The following PARG variants were observed in gnomAD, a reference collection of about 807,000 sequenced individuals.
The protein encoded by PARG is mitochondrial poly(ADP-ribose) glycohydrolase.
PARG carries 35 observed loss-of-function variants against 113.0 expected under a neutral mutation model. That is an observed-to-expected ratio of 0.31 (90% CI 0.24 to 0.41). PARG has a LOEUF of 0.41. Ranked by LOEUF, PARG falls within the 10% of genes least tolerant of loss-of-function variation. The pLI is 1.00. For missense variants in PARG, 797 were observed against 1,169.4 expected (o/e 0.68, Z 4.64); for synonymous variants, 330 against 409.9 (o/e 0.81, Z 2.36).
intron 11 of PARG, among the ~76,000 whole-genome samples, chr10:49,864,334 G>C (rs1448759650): frequency 1.3e-5 from 2 of 151,216 alleles, no homozygotes; most frequent in Non-Finnish European, 3.0e-5. Context: ...TCTAAACCAC[G>C]CACTCAGTCT....
chr10:49,849,621 C>A (rs1845667271), intron 13 of PARG, among the ~76,000 whole-genome samples: 1 of 152,188 alleles, frequency 6.6e-6, no homozygotes, highest in African/African-American at 2.4e-5. Flanking sequence ...ATACTTTAAA[C>A]AAATAGTTTA....
chr10:49,896,258 A>G (rs1848080442), intron 7 of PARG, among the ~76,000 whole-genome samples: 1 of 152,060 alleles, frequency 6.6e-6, no homozygotes, highest in African/African-American at 2.4e-5. Flanking sequence ...TTGAGGACAT[A>G]GTTGTTAATA....
intron 13 of PARG, 105 bp from the exon 14 acceptor site, chr10:49,843,737 T>C: frequency 1.3e-6 from 1 of 742,696 alleles, no homozygotes; most frequent in South Asian, 1.6e-5. Flanking sequence ...GTACTGAAGG[T>C]CTCTCCAGCC....
intron 13 of PARG, among the ~76,000 whole-genome samples, chr10:49,856,494 T>C (rs1317170554): frequency 9.2e-5 from 14 of 152,206 alleles, no homozygotes; most frequent in African/African-American, 3.4e-4. Context: ...TAACTGAACT[T>C]TTTCTTTTAG....
At chr10:49,828,190 G>T (rs1387155014) in intron 16 of PARG, among the ~76,000 whole-genome samples, 2 of 145,266 alleles carry the variant, frequency 1.4e-5, no homozygotes, top group African/African-American at 5.1e-5. Flanking sequence ...CTTTTTCTGA[G>T]TTTATAAGAG....
chr10:49,819,590 T>C (rs1036074684), intron 17 of PARG, 96 bp from the exon 18 acceptor site: 3 of 905,498 alleles, frequency 3.3e-6, no homozygotes, highest in African/African-American at 3.3e-5. Context: ...CTAAATGGCA[T>C]ATGCTCAGAC....
chr10:49,937,621 C>G (rs1385882803), intron 1 of PARG, among the ~76,000 whole-genome samples: 1 of 152,138 alleles, frequency 6.6e-6, no homozygotes, highest in South Asian at 2.1e-4. Context: ...ATAACACACA[C>G]GAAGCACGTA....
intron 8 of PARG, among the ~76,000 whole-genome samples, chr10:49,884,450 G>A (rs1287050294): frequency 1.3e-5 from 2 of 152,190 alleles, no homozygotes; most frequent in African/African-American, 2.4e-5. Flanking sequence ...AGTACAAAAA[G>A]TAGCCAGGTG....
At chr10:49,918,522 C>T (rs1401319321) in intron 6 of PARG, among the ~76,000 whole-genome samples, 1 of 152,192 alleles carries the variant, frequency 6.6e-6, no homozygotes, top group East Asian at 1.9e-4. Context: ...GTTCATAATT[C>T]ACAATAAGCA....
At chr10:49,908,440 T>C (rs1479750039) in intron 7 of PARG, 1 of 152,156 alleles carries the variant, frequency 6.6e-6, no homozygotes, top group Non-Finnish European at 1.5e-5. Context: ...AATTGAGCTG[T>C]AAAGTAATGC....
chr10:49,918,714 G>T (rs1788527043), intron 6 of PARG, among the ~76,000 whole-genome samples: 1 of 152,122 alleles, frequency 6.6e-6, no homozygotes, highest in Non-Finnish European at 1.5e-5. Flanking sequence ...GGGATTTAAT[G>T]TTTCCCTCTT....
At position 49,897,154 on chromosome 10, in the gene PARG, T is replaced by C. The variant is rs555827431; in HGVS notation, c.1738-11859A>G. On this transcript the variant is annotated intron_variant, in intron 7 of 17. Coordinates refer to ENST00000616448, the MANE Select transcript of PARG (RefSeq NM_003631.5). ...AACTATTTGCACCTCCTGACTTCATTTGTACCATACTGACTTCATTAAATA... is the reference window on the plus strand; with the variant it reads ...AACTATTTGCACCTCCTGACTTCATCTGTACCATACTGACTTCATTAAATA... Among the ~76,000 whole-genome samples, 5 of 152,286 alleles carry C rather than the reference T, an allele frequency of 3.3e-5. No homozygotes were observed. The South Asian group carries it at 1.0e-3, about 32-fold the overall frequency.
In PARG at chr10:49,843,624, G is replaced by T. The variant is rs1554832789; in HGVS notation, c.2362C>A (p.Gln788Lys). 1 of 1,547,916 alleles carries T rather than the reference G, an allele frequency of 6.5e-7. No homozygotes were observed. Among genetic ancestry groups the T allele is most frequent in the South Asian group, 1.2e-5 (1 of 83,992 alleles). ...GCATAGCCTGTGTATTCACTGTACT[G>T]CTCAGTACCTGAAACAAACAATCTG... The part of the protein sequence containing the change: ...NECLIITGTE[Q>K]YSEYTGYAET... The change falls in exon 14 of 18, where the codon CAG becomes AAG. Residue 788 changes from glutamine (Q) to lysine (K), a missense_variant. Coordinates refer to ENST00000616448, the MANE Select transcript of PARG (RefSeq NM_003631.5).
chr10:49,934,710 G>A (rs1356077251), intron 2 of PARG, among the ~76,000 whole-genome samples: 3 of 151,996 alleles, frequency 2.0e-5, no homozygotes, highest in East Asian at 1.9e-4. Context: ...TTAGCCAGGC[G>A]TGGTGGTGGG....
chr10:49,840,155 G>A (rs928846322), intron 15 of PARG, among the ~76,000 whole-genome samples: 1 of 152,112 alleles, frequency 6.6e-6, no homozygotes, highest in African/African-American at 2.4e-5. Context: ...TTGGGAGGCC[G>A]ACGGGGAGGA....
At chr10:49,922,877 T>A (rs1837959644) in intron 4 of PARG, among the ~76,000 whole-genome samples, 1 of 152,144 alleles carries the variant, frequency 6.6e-6, no homozygotes, top group Non-Finnish European at 1.5e-5. Context: ...TAGCTCCATA[T>A]CCCCTAGGAA....
intron 16 of PARG, among the ~76,000 whole-genome samples, chr10:49,822,261 T>C (rs1554828791): frequency 6.6e-6 from 1 of 151,926 alleles, no homozygotes; most frequent in African/African-American, 2.4e-5. Flanking sequence ...TGTATGCACA[T>C]ATATATTTCC....
chr10:49,844,652 A>G (rs1317628355), intron 13 of PARG, among the ~76,000 whole-genome samples: 1 of 151,850 alleles, frequency 6.6e-6, no homozygotes, highest in African/African-American at 2.4e-5. Flanking sequence ...CTAGAAAAAA[A>G]AAGAAAACTT....
At chr10:49,911,477 AAC>A (rs1407840750) in intron 7 of PARG, among the ~76,000 whole-genome samples, 1 of 152,212 alleles carries the variant, frequency 6.6e-6, no homozygotes, top group Non-Finnish European at 1.5e-5. Context: ...AGGGCCATAA[AAC>A]ACAGATTGTG....
Sources: gnomAD v4.1 joint callset for allele counts (sites outside exome capture counted in the v4.1 genomes callset) on GRCh38, gnomAD v4.1.1 for gene constraint, MANE v1.5 for transcripts, NCBI Gene and HGNC (gene_info 2026-07-23, HGNC 2026-07-21) for gene names.